The following TBCD variants were observed in gnomAD, a reference collection of about 807,000 sequenced individuals.
TBCD encodes the protein tubulin-specific chaperone D.
In TBCD, 105 loss-of-function variants were observed where a neutral mutation model predicts 169.3. The ratio of observed to expected loss-of-function variants is 0.62; its 90% CI spans 0.53 to 0.73. The LOEUF (loss-of-function observed/expected upper bound fraction) is 0.73, where lower values mean the gene tolerates loss of function less well. TBCD is among the 30% of genes least tolerant of loss of function. The pLI, the probability that TBCD is intolerant of heterozygous loss-of-function variation, is 0.00. For synonymous variants in TBCD, 700 were observed against 643.9 expected, an observed-to-expected ratio of 1.09 and a Z score of -1.32; for missense variants, 1,444 against 1,600.1, an observed-to-expected ratio of 0.90 and a Z score of 1.66.
chr17:82,934,977 C>T (rs570393067), intron 34 of TBCD, among the ~76,000 whole-genome samples: 16 of 152,204 alleles, frequency 1.1e-4, no homozygotes, highest in African/African-American at 2.9e-4. Context: ...GGTGCCTGTA[C>T]GGCTTGGGCC....
chr17:82,755,868 G>A (rs1261178364), intron 1 of TBCD, among the ~76,000 whole-genome samples: 2 of 152,184 alleles, frequency 1.3e-5, no homozygotes, highest in Non-Finnish European at 1.5e-5. Context: ...AGGAAGAGGC[G>A]AGGAGGAGAC....
intron 16 of TBCD, among the ~76,000 whole-genome samples, chr17:82,892,085 T>C (rs979652659): frequency 3.9e-5 from 6 of 151,922 alleles, no homozygotes; most frequent in African/African-American, 1.5e-4. Flanking sequence ...AGCCCGCTTT[T>C]GTCTGCTCGG....
At chr17:82,872,060 G>A (rs1180358971) in intron 14 of TBCD, among the ~76,000 whole-genome samples, 4 of 152,164 alleles carry the variant, frequency 2.6e-5, no homozygotes, top group African/African-American at 9.7e-5. Context: ...TCCGGAGAGG[G>A]ACCTCAACCC....
At chr17:82,837,450 GTT>G (rs2054085559) in intron 13 of TBCD, among the ~76,000 whole-genome samples, 1 of 152,218 alleles carries the variant, frequency 6.6e-6, no homozygotes, top group East Asian at 1.9e-4. Context: ...TAGAGGTGCA[GTT>G]TTTCTCTAGA....
At chr17:82,785,672 T>C (rs1224702351) in intron 7 of TBCD, among the ~76,000 whole-genome samples, 8 of 79,384 alleles carry the variant, frequency 1.0e-4, no homozygotes, top group Admixed American at 2.5e-4. Context: ...GACCACTGGA[T>C]CCCACCCATC....
chr17:82,942,727 C>G lies in TBCD; in HGVS notation c.*264C>G. 1 of 583,630 alleles carries G rather than the reference C, an allele frequency of 1.7e-6. No individual in the cohort carries two copies. Among genetic ancestry groups the G allele is most frequent in the Non-Finnish European group, 3.1e-6 (1 of 327,246 alleles). The allele number at this position is 583,630 out of a possible 1,614,324, so 36.2% of individuals were successfully genotyped here. A position where few individuals can be genotyped will look rare whatever the true frequency, so the allele number is the denominator to read the frequency against. On this transcript the variant is annotated 3_prime_UTR_variant, in exon 39 of 39. Transcript: ENST00000355528. Reference sequence around the variant, plus strand: ...GAAGTTCCTGCCTTTTGTCTCTGAGCCTGATGTGTGTAGGGGTGATGGAAA... The same window carrying G: ...GAAGTTCCTGCCTTTTGTCTCTGAGGCTGATGTGTGTAGGGGTGATGGAAA...
chr17:82,810,565 G>T (rs564569016), intron 12 of TBCD, among the ~76,000 whole-genome samples: 10 of 152,300 alleles, frequency 6.6e-5, no homozygotes, highest in South Asian at 4.1e-4. Context: ...TGGGATGTGC[G>T]GGTGGCAGGG....
Position 82,930,106 on chromosome 17 carries a change from T to C in TBCD, c.2992-416T>C, listed in dbSNP as rs1206784232. The C allele has an allele frequency of 1.2e-5, 3 of 253,590 alleles. No homozygotes were observed. The highest frequency in any genetic ancestry group is 2.3e-5 in the Non-Finnish European group (3 of 129,690). 15.7% of individuals were successfully genotyped at this position (253,590 alleles called of 1,614,324 possible). A position where few individuals can be genotyped will look rare whatever the true frequency, so the allele number is the denominator to read the frequency against. ...GCGGGGAGACCCGGGCCCCAGGACG[T>C]GAGGTGCCCTCTGCGCCGTGCGGGC... On this transcript the variant is annotated intron_variant, in intron 32 of 38. Transcript: ENST00000355528. The surrounding 1 kb of genome is among the most constrained non-coding windows in gnomAD (Gnocchi z 5.2).
chr17:82,801,085 A>T, intron 9 of TBCD, 89 bp downstream of exon 9: 15 of 738,512 alleles, frequency 2.0e-5, no homozygotes, highest in Non-Finnish European at 2.5e-5. Context: ...AGGGCGGGGC[A>T]GGTGCTGTTG....
At chr17:82,767,286 G>C (rs917936659) in intron 4 of TBCD, among the ~76,000 whole-genome samples, 1 of 152,180 alleles carries the variant, frequency 6.6e-6, no homozygotes, top group African/African-American at 2.4e-5. Flanking sequence ...GCGCTGTGGG[G>C]CATTTCCCTG....
At chr17:82,939,513 T>G (rs781551007) in intron 37 of TBCD, 37 bp downstream of exon 37, 1 of 1,519,520 alleles carries the variant, frequency 6.6e-7, no homozygotes. Flanking sequence ...CACCTGGGCC[T>G]GGCACCGCCC....
At chr17:82,933,695 G>A (rs999118889) in intron 34 of TBCD, among the ~76,000 whole-genome samples, 1 of 152,030 alleles carries the variant, frequency 6.6e-6, no homozygotes, top group Admixed American at 6.6e-5. Flanking sequence ...TCAGCTCACC[G>A]CAACCCCGTC....
At chr17:82,927,828 T>C in intron 29 of TBCD, 77 bp from the exon 30 acceptor site, 1 of 1,316,074 alleles carries the variant, frequency 7.6e-7, no homozygotes, top group East Asian at 2.3e-5. Context: ...TCACACAGGC[T>C]GCCGGCGTGG....
rs111708258 is a variant in TBCD, at chr17:82,888,284, A to C, written c.1534-1384A>C. Among the ~76,000 whole-genome samples, 205 of 152,338 alleles carry C rather than the reference A, an allele frequency of 1.3e-3. 2 individuals are homozygous for C. In the Middle Eastern group the frequency reaches 0.034, roughly 25 times the overall value. ...GGGCTGTGCTGCGATGCTGCTGTGC[A>C]TAGTCAGCCTTCGCACTGGGCAGGG... On this transcript the variant is annotated intron_variant, in intron 15 of 38. Coordinates refer to ENST00000355528, the MANE Select transcript of TBCD (RefSeq NM_005993.5).
intron 13 of TBCD, among the ~76,000 whole-genome samples, chr17:82,847,746 C>T (rs1598904557): frequency 1.3e-5 from 2 of 152,150 alleles, no homozygotes; most frequent in Admixed American, 6.5e-5. Flanking sequence ...CTCAGCCTCC[C>T]GAATAGCTGG....
intron 13 of TBCD, among the ~76,000 whole-genome samples, chr17:82,827,490 A>C (rs1022153743): frequency 1.1e-4 from 16 of 152,150 alleles, no homozygotes; most frequent in African/African-American, 3.9e-4. Context: ...AAGCCTGAGG[A>C]CCCCATGGAT....
In TBCD at chr17:82,806,032, G is replaced by A. The variant is rs759058209; in HGVS notation, c.1087+21G>A. 2.9e-5 allele frequency: 46 copies of A among 1,606,450 alleles called. No individual in the cohort carries two copies. The highest frequency in any genetic ancestry group is 6.7e-5 in the African/African-American group (5 of 74,788). On this transcript the variant is annotated intron_variant, in intron 10 of 38. Coordinates refer to ENST00000355528, the MANE Select transcript of TBCD (RefSeq NM_005993.5). The surrounding 1 kb of genome is among the most constrained non-coding windows in gnomAD (Gnocchi z 5.1). ...GATAGGTGCGTGGGGTCTAAGCGGC[G>A]GCCTCTGCTCTTGGGCACCGTCGGG... is the stretch of plus-strand genomic sequence containing the variant.
At chr17:82,834,189 C>T (rs1379243942) in intron 13 of TBCD, among the ~76,000 whole-genome samples, 3 of 152,142 alleles carry the variant, frequency 2.0e-5, no homozygotes, top group Admixed American at 2.0e-4. Context: ...CTCAGGTGAT[C>T]CACCTGCCTT....
intron 7 of TBCD, among the ~76,000 whole-genome samples, chr17:82,783,711 ACGTGTGGGTATTTTCCATATGCCAG>A (rs1289190915): frequency 3.9e-5 from 6 of 152,122 alleles, no homozygotes; most frequent in Non-Finnish European, 7.4e-5. Flanking sequence ...TCATAAGCCA[ACGTGTGGGTATTTTCCATATGCCAG>A]CGTGTGGGTA....
Sources: gnomAD v4.1 joint callset for allele counts (sites outside exome capture counted in the v4.1 genomes callset) on GRCh38, gnomAD v4.1.1 for gene constraint, Gnocchi (gnomAD v3.1) non-coding constraint, MANE v1.5 for transcripts, NCBI Gene and HGNC (gene_info 2026-07-23, HGNC 2026-07-21) for gene names.